The following PSPH variants were observed in gnomAD, a reference collection of about 807,000 sequenced individuals.
PSPH encodes the protein phosphoserine phosphatase, also known as L-3-phosphoserine phosphatase.
In PSPH, 16 loss-of-function variants were observed where a neutral mutation model predicts 23.4. That is an observed-to-expected ratio of 0.68 (90% confidence interval 0.46 to 1.04). The LOEUF (loss-of-function observed/expected upper bound fraction) is 1.04, where lower values mean the gene tolerates loss of function less well. Among genes scored for constraint, PSPH ranks in the 50% least tolerant of loss-of-function variants. The pLI is 0.00. For missense variants in PSPH, 223 were observed against 273.7 expected (o/e 0.81, Z 1.31); for synonymous variants, 68 against 99.7 (o/e 0.68, Z 1.89).
intron 3 of PSPH, among the ~76,000 whole-genome samples, chr7:56,031,039 G>A (rs1193086823): frequency 4.7e-5 from 7 of 149,960 alleles, no homozygotes; most frequent in African/African-American, 9.8e-5. Flanking sequence ...GTGAAACCCC[G>A]TCTCTACTAA....
intron 1 of PSPH, among the ~76,000 whole-genome samples, chr7:56,043,529 T>C (rs1297001777): frequency 6.6e-6 from 1 of 151,470 alleles, no homozygotes; most frequent in Non-Finnish European, 1.5e-5. Context: ...TATTTAAAGA[T>C]ATAGAGGCTG....
At chr7:56,035,679 G>GCA (rs1451108107) in intron 1 of PSPH, among the ~76,000 whole-genome samples, 3 of 151,686 alleles carry the variant, frequency 2.0e-5, no homozygotes, top group African/African-American at 7.3e-5. Flanking sequence ...GAGTGCAGTG[G>GCA]TGCTATCTCA....
At chr7:56,030,503 T>TG (rs565732471) in intron 3 of PSPH, among the ~76,000 whole-genome samples, 143 of 152,202 alleles carry the variant, frequency 9.4e-4, no homozygotes, top group Middle Eastern at 6.9e-3. Flanking sequence ...TGGAGGCCGT[T>TG]ATCCTAAGTG....
chr7:56,044,197 C>T (rs767439166), intron 1 of PSPH, among the ~76,000 whole-genome samples: 2 of 152,090 alleles, frequency 1.3e-5, no homozygotes, highest in African/African-American at 2.4e-5. Flanking sequence ...CCACCTTGGC[C>T]TCACAAAGTG....
chr7:56,027,938 G>A (rs1391873281), intron 3 of PSPH, among the ~76,000 whole-genome samples: 1 of 149,368 alleles, frequency 6.7e-6, no homozygotes, highest in Non-Finnish European at 1.5e-5. Context: ...GCATGCCTGT[G>A]GTCCCAGATA....
At chr7:56,044,275 A>G (rs1792942006) in intron 1 of PSPH, among the ~76,000 whole-genome samples, 1 of 152,100 alleles carries the variant, frequency 6.6e-6, no homozygotes, top group African/African-American at 2.4e-5. Flanking sequence ...GGACACTGCT[A>G]ATGAATAAAC....
intron 5 of PSPH, among the ~76,000 whole-genome samples, chr7:56,019,155 T>C (rs1009154912): frequency 6.6e-6 from 1 of 151,854 alleles, no homozygotes; most frequent in Non-Finnish European, 1.5e-5. Flanking sequence ...AAAAAAATAA[T>C]AATAGGCCGG....
At chr7:56,050,776 G>A (rs1793932971) in intron 1 of PSPH, among the ~76,000 whole-genome samples, 1 of 152,182 alleles carries the variant, frequency 6.6e-6, no homozygotes, top group Admixed American at 6.5e-5. Flanking sequence ...AGTACCCAGG[G>A]GTAACTTTGC....
intron 6 of PSPH, among the ~76,000 whole-genome samples, chr7:56,015,922 G>A (rs1382039968): frequency 6.6e-6 from 1 of 151,840 alleles, no homozygotes; most frequent in Non-Finnish European, 1.5e-5. Context: ...GCCTCCCAAA[G>A]TTCTGGGATT....
intron 6 of PSPH, among the ~76,000 whole-genome samples, chr7:56,016,771 T>G (rs1788614708): frequency 6.6e-6 from 1 of 151,882 alleles, no homozygotes; most frequent in African/African-American, 2.4e-5. Flanking sequence ...GAGTTGGGGT[T>G]CCACCATGTT....
At chr7:56,013,666 G>A (rs187679397) in intron 7 of PSPH, among the ~76,000 whole-genome samples, 4 of 152,018 alleles carry the variant, frequency 2.6e-5, no homozygotes, top group Non-Finnish European at 5.9e-5. Context: ...AGAAGTTCAG[G>A]GCTGTGATAA....
chr7:56,040,910 C>T (rs567352477), intron 1 of PSPH, among the ~76,000 whole-genome samples: 1 of 151,986 alleles, frequency 6.6e-6, no homozygotes, highest in Admixed American at 6.6e-5. Context: ...CTCAATCAAG[C>T]AGAAAGGGAG....
chr7:56,011,906 T>TTA lies in PSPH; in HGVS notation c.571-38_571-37insTA, dbSNP rs751160132. On this transcript the variant is annotated intron_variant, in intron 7 of 7. Coordinates refer to ENST00000275605, the MANE Select transcript of PSPH (RefSeq NM_004577.4). ...GAAAAGAGAGAGAAATGATTTTTAT[T>TTA]TTTATTTATTTATTTATTTTTTGGA... The TTA allele has an allele frequency of 3.3e-5, 50 of 1,503,620 alleles. No homozygotes were observed. In the African/African-American group the frequency reaches 4.6e-4, roughly 14 times the overall value. The allele number at this position is 1,503,620 out of a possible 1,614,324, so 93.1% of individuals were successfully genotyped here.
Position 56,017,376 on chromosome 7 carries a change from C to T in PSPH, c.279G>A (p.Glu93=). Residue 93 remains glutamate, a synonymous_variant, in exon 6 of 8, where the codon GAG becomes GAA. Transcript: ENST00000275605. ...QPPHLTPGIR[E]LVSRLQERNV... is the part of the protein sequence containing the mutation. ...TTCGCTCCTGTAGGCGACTTACCAG[C>T]TCCCTGCAAAATAAAATACAAAATA... is the stretch of plus-strand genomic sequence containing the variant. 1.3e-6 allele frequency: 2 copies of T among 1,599,504 alleles called. No homozygotes were observed. The highest frequency in any genetic ancestry group is 1.7e-4 in the Middle Eastern group (1 of 5,976).
chr7:56,035,547 G>T, intron 1 of PSPH, among the ~76,000 whole-genome samples: 1 of 151,952 alleles, frequency 6.6e-6, no homozygotes, highest in East Asian at 1.9e-4. Context: ...CCACGCAGAG[G>T]ATGCAATCCC....
intron 3 of PSPH, among the ~76,000 whole-genome samples, chr7:56,031,542 G>A (rs1309240540): frequency 1.3e-5 from 2 of 152,194 alleles, no homozygotes; most frequent in African/African-American, 4.8e-5. Flanking sequence ...GCCGGGTGCA[G>A]TGGCTCACGC....
chr7:56,041,645 C>T (rs1159619070), intron 1 of PSPH, among the ~76,000 whole-genome samples: 3 of 151,858 alleles, frequency 2.0e-5, no homozygotes, highest in South Asian at 2.1e-4. Flanking sequence ...GTGAGTGCGC[C>T]GGGCACGGTG....
chr7:56,021,278 T>C, intron 3 of PSPH, 47 bp from the exon 4 acceptor site: 1 of 1,553,570 alleles, frequency 6.4e-7, no homozygotes, highest in Admixed American at 1.8e-5. Context: ...AATAAAATTA[T>C]GAAAAGATCC....
chr7:56,045,927 C>CTTTCTTTTTTTTTTTTTTTTT, intron 1 of PSPH, among the ~76,000 whole-genome samples: 1 of 150,000 alleles, frequency 6.7e-6, no homozygotes, highest in Admixed American at 6.7e-5. Context: ...TCTCCTGTGT[C>CTTTCTTTTTTTTTTTTTTTTT]AGAGACAAAG....
Sources: gnomAD v4.1 joint callset for allele counts (sites outside exome capture counted in the v4.1 genomes callset) on GRCh38, gnomAD v4.1.1 for gene constraint, MANE v1.5 for transcripts, NCBI Gene and HGNC (gene_info 2026-07-23, HGNC 2026-07-21) for gene names.